FILIP1L: variants seen among roughly 807,000 people sequenced by gnomAD.
FILIP1L encodes filamin A-interacting protein 1-like.
In FILIP1L, 55 loss-of-function variants were observed where a neutral mutation model predicts 96.6. The observed-to-expected ratio is 0.57, with a 90% CI of 0.46 to 0.71. The LOEUF is 0.71. Among genes scored for constraint, FILIP1L ranks in the 30% least tolerant of loss-of-function variants. The pLI, the probability that FILIP1L is intolerant of heterozygous loss-of-function variation, is 0.00. For synonymous variants in FILIP1L, 467 were observed against 473.9 expected (o/e 0.99, Z 0.19); for missense variants, 1,304 against 1,321.2 (o/e 0.99, Z 0.20).
At chr3:100,062,854 A>C (rs892669064) in intron 1 of FILIP1L, among the ~76,000 whole-genome samples, 1 of 151,934 alleles carries the variant, frequency 6.6e-6, no homozygotes, top group African/African-American at 2.4e-5. Context: ...TAGTCCCCCA[A>C]CTCTCAGTTA....
chr3:100,018,839 C>G (rs1710420816), intron 1 of FILIP1L, among the ~76,000 whole-genome samples: 1 of 151,204 alleles, frequency 6.6e-6, no homozygotes, highest in Non-Finnish European at 1.5e-5. Context: ...TAAGACTGTC[C>G]TACAACTCAA....
intron 1 of FILIP1L, among the ~76,000 whole-genome samples, chr3:99,980,289 G>A (rs1431836322): frequency 1.3e-5 from 2 of 152,118 alleles, no homozygotes; most frequent in Non-Finnish European, 2.9e-5. Flanking sequence ...CTTTGGACAA[G>A]TTACTTAACC....
At chr3:99,842,505 A>T (rs1206303506) in intron 5 of FILIP1L, among the ~76,000 whole-genome samples, 1 of 11,486 alleles carries the variant, frequency 8.7e-5, no homozygotes, top group South Asian at 2.3e-3. Context: ...AAAACAGGCC[A>T]AAAAAAAAAA....
At chr3:99,972,592 GGTT>G (rs1403486846) in intron 1 of FILIP1L, among the ~76,000 whole-genome samples, 3 of 152,120 alleles carry the variant, frequency 2.0e-5, no homozygotes, top group African/African-American at 7.2e-5. Context: ...AGTAAATAAC[GGTT>G]CATGTTTCCA....
In FILIP1L at chr3:99,965,383, A is replaced by G. The variant is rs956403907; in HGVS notation, c.-10-34353T>C. Among the ~76,000 whole-genome samples the G allele has an allele frequency of 2.6e-5, 4 of 152,274 alleles. No individual in the cohort carries two copies. In the South Asian group the frequency reaches 6.2e-4, roughly 24 times the overall value. On this transcript the variant is annotated intron_variant, in intron 1 of 5. Transcript: ENST00000477258. ...TCTCTCTGTTGCCCAGTCAGGTGCT[A>G]TGGCATGTGCTGCTTCTGGCGTAGT...
chr3:99,911,327 ATATAT>A (rs1706780964), intron 4 of FILIP1L, among the ~76,000 whole-genome samples: 1 of 148,506 alleles, frequency 6.7e-6, no homozygotes, highest in Non-Finnish European at 1.5e-5. Flanking sequence ...ATTATATAAT[ATATAT>A]TATATGTTAT....
rs775799851 is a variant in FILIP1L at position 99,849,823 on chromosome 3, A to G, written c.1853T>C (p.Leu618Ser). 1.9e-5 allele frequency: 31 copies of G among 1,611,688 alleles called. No individual in the cohort carries two copies. Among genetic ancestry groups the G allele is most frequent in the African/African-American group, 6.7e-5 (5 of 74,680 alleles). Residue 618 changes from leucine to serine, a missense_variant, in exon 5 of 6, where the codon TTA (leucine) becomes TCA (serine). Coordinates refer to ENST00000477258, the MANE Select transcript of FILIP1L (RefSeq NM_001387850.1). ...NQDSGKSTTA[L>S]HQENNKIKEL... Reference sequence around the variant, plus strand: ...CTTAATCTTATTGTTTTCTTGGTGTAATGCTGTTGTGGATTTCCCAGAGTC... The same window carrying G: ...CTTAATCTTATTGTTTTCTTGGTGTGATGCTGTTGTGGATTTCCCAGAGTC...
intron 4 of FILIP1L, among the ~76,000 whole-genome samples, chr3:99,859,906 T>A (rs1488923410): frequency 6.6e-6 from 1 of 152,242 alleles, no homozygotes; most frequent in African/African-American, 2.4e-5. Context: ...ATTCTGTGTA[T>A]GCTGCTTCCT....
At chr3:99,888,246 C>A (rs541225006) in intron 4 of FILIP1L, among the ~76,000 whole-genome samples, 7 of 152,052 alleles carry the variant, frequency 4.6e-5, no homozygotes, top group East Asian at 1.9e-4. Flanking sequence ...ATGTTGTGCA[C>A]CTGTTGCTAC....
intron 1 of FILIP1L, among the ~76,000 whole-genome samples, chr3:100,053,910 G>A (rs1415029550): frequency 6.6e-6 from 1 of 152,206 alleles, no homozygotes; most frequent in Non-Finnish European, 1.5e-5. Context: ...TAGAATCAAA[G>A]TAAATTGCAT....
At chr3:100,064,278 T>G (rs1052045672) in intron 1 of FILIP1L, among the ~76,000 whole-genome samples, 2 of 152,172 alleles carry the variant, frequency 1.3e-5, no homozygotes, top group African/African-American at 4.8e-5. Flanking sequence ...CTTTGCAGTT[T>G]AACTTACTAA....
intron 3 of FILIP1L, among the ~76,000 whole-genome samples, chr3:99,927,447 G>A (rs763208562): frequency 1.3e-5 from 2 of 150,626 alleles, no homozygotes; most frequent in Admixed American, 1.3e-4. Flanking sequence ...TCAGCTCATC[G>A]CGATCTCCGC....
Position 99,974,631 on chromosome 3 carries a change from C to T in FILIP1L, c.-10-43601G>A, listed in dbSNP as rs529309235. 2.6e-5 allele frequency among the ~76,000 whole-genome samples: 4 copies of T among 152,142 alleles called. No homozygotes were observed. The South Asian group carries it at 8.3e-4, about 32-fold the overall frequency. Reference sequence around the variant, plus strand: ...CTGAGGCAGGAGAATCACTTGAACCCAGGAGGCGGAGGTTGTGATGAGCCA... The same window carrying T: ...CTGAGGCAGGAGAATCACTTGAACCTAGGAGGCGGAGGTTGTGATGAGCCA... On this transcript the variant is annotated intron_variant, in intron 1 of 5. Coordinates refer to ENST00000477258, the MANE Select transcript of FILIP1L (RefSeq NM_001387850.1).
chr3:99,893,367 G>C (rs1468722010), intron 4 of FILIP1L, among the ~76,000 whole-genome samples: 1 of 151,858 alleles, frequency 6.6e-6, no homozygotes, highest in Non-Finnish European at 1.5e-5. Flanking sequence ...GGGTTTCACT[G>C]TATTAGCCAG....
At chr3:99,888,005 A>G (rs573633109) in intron 4 of FILIP1L, among the ~76,000 whole-genome samples, 2 of 152,220 alleles carry the variant, frequency 1.3e-5, no homozygotes, top group South Asian at 2.1e-4. Context: ...TGGCCTCCCA[A>G]AGTACTGGGA....
At position 99,850,975 on chromosome 3, in the gene FILIP1L, T is replaced by C. The variant is rs753080523; in HGVS notation, c.701A>G (p.Lys234Arg). The change falls in exon 5 of 6, where the codon AAG (lysine) becomes AGG (arginine). Residue 234 changes from lysine (K) to arginine (R), a missense_variant. By Grantham distance (26) the Lys-to-Arg change is conservative. Transcript: ENST00000477258. ...RVTTLKEELT[K>R]LKSFALMVVD... ...CACCATCAAAGCAAAAGACTTCAGC[T>C]TGGTCAGCTCCTCTTTCAGGGTGGT... The C allele has an allele frequency of 6.8e-6, 11 of 1,614,188 alleles. No individual in the cohort carries two copies. Among genetic ancestry groups the C allele is most frequent in the Non-Finnish European group, 6.8e-6 (8 of 1,180,020 alleles).
At chr3:100,014,905 T>C (rs1219329412) in intron 1 of FILIP1L, among the ~76,000 whole-genome samples, 1 of 143,218 alleles carries the variant, frequency 7.0e-6, no homozygotes, top group East Asian at 2.0e-4. Flanking sequence ...CTTTTTTTTT[T>C]TTTTTTTTTT....
chr3:100,043,447 C>T (rs2065236627), intron 1 of FILIP1L, among the ~76,000 whole-genome samples: 1 of 152,176 alleles, frequency 6.6e-6, no homozygotes, highest in African/African-American at 2.4e-5. Context: ...TTTCCCTCAT[C>T]CATACTCTCA....
chr3:99,982,268 G>A (rs1362666540), intron 1 of FILIP1L, among the ~76,000 whole-genome samples: 1 of 151,278 alleles, frequency 6.6e-6, no homozygotes, highest in Non-Finnish European at 1.5e-5. Context: ...TATACATTTT[G>A]CATCCACCAA....
Sources: allele counts gnomAD v4.1 joint callset (sites outside exome capture counted in the v4.1 genomes callset), GRCh38; gene constraint gnomAD v4.1.1; transcripts MANE v1.5; gene names NCBI Gene and HGNC (gene_info 2026-07-23, HGNC 2026-07-21).